Variants in XXYLT1 observed in about 807,000 individuals in gnomAD.
XXYLT1 encodes the protein UDP-xylose:alpha-xyloside alpha-1,3-xylosyltransferase.
A neutral mutation model predicts 28.9 loss-of-function variants in XXYLT1; 20 were observed. The observed-to-expected ratio is 0.69, with a 90% confidence interval of 0.49 to 1.00. The LOEUF (loss-of-function observed/expected upper bound fraction) is 1.00, where lower values mean the gene tolerates loss of function less well. XXYLT1 is among the 50% of genes least tolerant of loss of function. XXYLT1 has a pLI of 0.00. For missense variants in XXYLT1, 542 were observed against 560.1 expected, an observed-to-expected ratio of 0.97 and a Z score of 0.33; for synonymous variants, 257 against 253.8, an observed-to-expected ratio of 1.01 and a Z score of -0.12.
At chr3:195,175,549 G>A (rs1721621943) in intron 2 of XXYLT1, 8 of 1,530,032 alleles carry the variant, frequency 5.2e-6, no homozygotes, top group Non-Finnish European at 7.0e-6. Context: ...GAGATTCCTA[G>A]GGGTAGTTAG....
At chr3:195,128,698 C>T (rs1436287180) in intron 3 of XXYLT1, among the ~76,000 whole-genome samples, 1 of 152,204 alleles carries the variant, frequency 6.6e-6, no homozygotes, top group East Asian at 1.9e-4. Context: ...TTCCTGATGC[C>T]TTCCCTGATT....
Position 195,210,979 on chromosome 3 carries a change from G to A in XXYLT1, c.652+15730C>T, listed in dbSNP as rs1723286671. The stretch of plus-strand genomic sequence containing the variant: ...CAGGCTTGGGGAACCATCAAGAAAT[G>A]GCTATCCCACAAATTCAAGCTCCTG... On this transcript the variant is annotated intron_variant, in intron 2 of 3. Coordinates refer to ENST00000310380, the MANE Select transcript of XXYLT1 (RefSeq NM_152531.5). The surrounding 1 kb of genome is among the most constrained non-coding windows in gnomAD (Gnocchi z 4.8). Among the ~76,000 whole-genome samples, 1 of 152,204 alleles carries A rather than the reference G, an allele frequency of 6.6e-6. No homozygotes were observed. The highest frequency in any genetic ancestry group is 1.5e-5 in the Non-Finnish European group (1 of 68,036).
intron 2 of XXYLT1, chr3:195,175,950 A>G (rs78473875): frequency 0.025 from 34,098 of 1,356,654 alleles, 500 homozygotes; most frequent in Non-Finnish European, 0.028. Context: ...TTGTTATTAC[A>G]GCCCAGCTTA....
chr3:195,199,351 C>T (rs547453438), intron 2 of XXYLT1, among the ~76,000 whole-genome samples: 6 of 152,290 alleles, frequency 3.9e-5, no homozygotes, highest in East Asian at 1.9e-4. Context: ...GTGGCTCACA[C>T]CTGTAATCCC....
In XXYLT1 at chr3:195,115,600, A is replaced by G. The variant is rs1174681523; in HGVS notation, c.785+40849T>C. Reference sequence around the variant, plus strand: ...AGCACGCGTGAAGGCCTCAGGAGCCACAGTGGAAGTGGTTTGGAAAGCACA... The same window carrying G: ...AGCACGCGTGAAGGCCTCAGGAGCCGCAGTGGAAGTGGTTTGGAAAGCACA... On this transcript the variant is annotated intron_variant, in intron 3 of 3. Coordinates refer to ENST00000310380, the MANE Select transcript of XXYLT1 (RefSeq NM_152531.5). This position sits in a 1 kb window ranked among gnomAD's most constrained non-coding sequence, Gnocchi z 4.2. Among the ~76,000 whole-genome samples the G allele has an allele frequency of 1.3e-5, 2 of 152,216 alleles. No individual in the cohort carries two copies. The highest frequency in any genetic ancestry group is 2.9e-5 in the Non-Finnish European group (2 of 68,030).
chr3:195,155,003 T>C (rs1251082827), intron 3 of XXYLT1, among the ~76,000 whole-genome samples: 1 of 152,178 alleles, frequency 6.6e-6, no homozygotes, highest in Non-Finnish European at 1.5e-5. Flanking sequence ...ACAGTTAAGA[T>C]GGCAGGTGTC....
In XXYLT1 at chr3:195,077,712, G is replaced by T. The variant is rs1200504008; in HGVS notation, c.786-7601C>A. Among the ~76,000 whole-genome samples the T allele has an allele frequency of 6.6e-6, 1 of 152,172 alleles. No individual in the cohort carries two copies. Among genetic ancestry groups the T allele is most frequent in the Non-Finnish European group, 1.5e-5 (1 of 68,010 alleles). On this transcript the variant is annotated intron_variant, in intron 3 of 3. Transcript: ENST00000310380. This position sits in a 1 kb window ranked among gnomAD's most constrained non-coding sequence, Gnocchi z 4.8. Reference sequence around the variant, plus strand: ...TGACCTGGTGCAGGGCAGCCCTTCAGCCCCCTGCAGGCGTCCGTTTCTCCA... The same window carrying T: ...TGACCTGGTGCAGGGCAGCCCTTCATCCCCCTGCAGGCGTCCGTTTCTCCA...
At chr3:195,237,715 A>G (rs1460424240) in intron 1 of XXYLT1, among the ~76,000 whole-genome samples, 1 of 151,946 alleles carries the variant, frequency 6.6e-6, no homozygotes, top group Non-Finnish European at 1.5e-5. Flanking sequence ...AACACTTTAA[A>G]TCTTCTGCCT....
chr3:195,085,711 G>A (rs1446976461), intron 3 of XXYLT1, among the ~76,000 whole-genome samples: 1 of 152,208 alleles, frequency 6.6e-6, no homozygotes, highest in Admixed American at 6.5e-5. Flanking sequence ...TTCCACCAGG[G>A]GCTGGCCCAG....
chr3:195,183,043 T>C (rs1722027371), intron 2 of XXYLT1, among the ~76,000 whole-genome samples: 1 of 152,370 alleles, frequency 6.6e-6, no homozygotes, highest in African/African-American at 2.4e-5. Context: ...CCTCATTTTA[T>C]AAGTCAAGAA....
intron 1 of XXYLT1, among the ~76,000 whole-genome samples, chr3:195,246,512 A>G (rs976167949): frequency 6.6e-6 from 1 of 152,232 alleles, no homozygotes; most frequent in Non-Finnish European, 1.5e-5. Flanking sequence ...CAGGATGACC[A>G]TGAGGAACTA....
intron 3 of XXYLT1, among the ~76,000 whole-genome samples, chr3:195,114,580 T>C (rs960568335): frequency 5.3e-5 from 8 of 152,210 alleles, no homozygotes; most frequent in African/African-American, 1.2e-4. Context: ...AGTACATTTC[T>C]ACTAAAAAGT....
rs544728871 is a variant in XXYLT1 at position 195,124,862 on chromosome 3, G to C, written c.785+31587C>G. Reference sequence around the variant, plus strand: ...TGGAGTCTGAGCCGGCACTGGCAGCGTTTTTCACGGACGCAGCACACATCT... The same window carrying C: ...TGGAGTCTGAGCCGGCACTGGCAGCCTTTTTCACGGACGCAGCACACATCT... On this transcript the variant is annotated intron_variant, in intron 3 of 3. Coordinates refer to ENST00000310380, the MANE Select transcript of XXYLT1 (RefSeq NM_152531.5). This position sits in a 1 kb window ranked among gnomAD's most constrained non-coding sequence, Gnocchi z 4.1. Among the ~76,000 whole-genome samples, 1 of 152,184 alleles carries C rather than the reference G, an allele frequency of 6.6e-6. No individual in the cohort carries two copies. The highest frequency in any genetic ancestry group is 6.5e-5 in the Admixed American group (1 of 15,282).
chr3:195,189,053 G>T (rs531905532), intron 2 of XXYLT1, among the ~76,000 whole-genome samples: 4 of 152,120 alleles, frequency 2.6e-5, no homozygotes. Context: ...CTATGTGCCA[G>T]TCCCTACACT....
chr3:195,094,982 T>C, intron 3 of XXYLT1, among the ~76,000 whole-genome samples: 1 of 152,174 alleles, frequency 6.6e-6, no homozygotes, highest in Non-Finnish European at 1.5e-5. Flanking sequence ...CAGACCTTAC[T>C]GTGCGGGGGA....
At position 195,069,810 on chromosome 3, in the gene XXYLT1, G is replaced by A; in HGVS notation, c.1087C>T (p.His363Tyr). The A allele has an allele frequency of 1.9e-6, 3 of 1,614,166 alleles. No individual in the cohort carries two copies. In the South Asian group the frequency reaches 3.3e-5, roughly 18 times the overall value. The change falls in exon 4 of 4, where the codon CAT (histidine) becomes TAT (tyrosine). Residue 363 changes from histidine (H) to tyrosine (Y), a missense_variant. His to Tyr is a moderately conservative substitution (Grantham distance 83, BLOSUM62 2). Coordinates refer to ENST00000310380, the MANE Select transcript of XXYLT1 (RefSeq NM_152531.5). ...NRQLCTWWRD[H>Y]GYSDVFEAYF... is the part of the protein sequence containing the mutation. ...GCCTCGAAGACGTCACTGTAGCCAT[G>A]GTCCCTCCACCAGGTGCACAGCTGC...
In XXYLT1 at chr3:195,177,854, G is replaced by C. The variant is rs558626631; in HGVS notation, c.653-21273C>G. Among the ~76,000 whole-genome samples, 15 of 151,450 alleles carry C rather than the reference G, an allele frequency of 9.9e-5. No homozygotes were observed. The East Asian group carries it at 2.9e-3, about 30-fold the overall frequency. On this transcript the variant is annotated intron_variant, in intron 2 of 3. Coordinates refer to ENST00000310380, the MANE Select transcript of XXYLT1 (RefSeq NM_152531.5). ...GGAGGCTGAAGTGGGGTAATTGCTT[G>C]AGTCCAGGAGTTGGAAGTTACAGTG...
chr3:195,250,850 C>G (rs921379642), intron 1 of XXYLT1, among the ~76,000 whole-genome samples: 5 of 152,182 alleles, frequency 3.3e-5, no homozygotes. Flanking sequence ...TTGATACACC[C>G]AAGTTCCCAG....
intron 3 of XXYLT1, chr3:195,122,181 C>T (rs576093979): frequency 6.4e-5 from 45 of 702,966 alleles, no homozygotes; most frequent in South Asian, 3.8e-4. Context: ...TCAGGACACT[C>T]ATCCCATTCA....
Sources: gnomAD v4.1 joint callset for allele counts (sites outside exome capture counted in the v4.1 genomes callset) on GRCh38, gnomAD v4.1.1 for gene constraint, Gnocchi (gnomAD v3.1) non-coding constraint, MANE v1.5 for transcripts, NCBI Gene and HGNC (gene_info 2026-07-23, HGNC 2026-07-21) for gene names.